Variants in B4GALNT1 observed in about 807,000 individuals in gnomAD.
B4GALNT1 encodes beta-1,4 N-acetylgalactosaminyltransferase 1.
In B4GALNT1, 43 loss-of-function variants were observed where a neutral mutation model predicts 55.2. The observed-to-expected ratio is 0.78, with a 90% CI of 0.61 to 1.00. B4GALNT1 has a LOEUF of 1.00. Among genes scored for constraint, B4GALNT1 ranks in the 50% least tolerant of loss-of-function variants. The pLI is 0.00. For synonymous variants in B4GALNT1, 305 were observed against 311.6 expected (o/e 0.98, Z 0.22); for missense variants, 664 against 729.7 (o/e 0.91, Z 1.04).
Position 57,628,885 on chromosome 12 carries a change from G to A in B4GALNT1, c.830C>T (p.Ala277Val). 1 of 1,614,222 alleles carries A rather than the reference G, an allele frequency of 6.2e-7. No homozygotes were observed. The highest frequency in any genetic ancestry group is 1.3e-5 in the African/African-American group (1 of 75,058). The change falls in exon 8 of 11, where the codon GCT (alanine) becomes GTT (valine). Residue 277 changes from alanine (A) to valine (V), a missense_variant. Ala to Val is a moderately conservative substitution (Grantham distance 64, BLOSUM62 0). Transcript: ENST00000341156. ...GGTCTTGGTGGCAATCGTGACTAGAGCGCTGATGTTGTACTGGGCTGAGAT... is the reference window on the plus strand; with the variant it reads ...GGTCTTGGTGGCAATCGTGACTAGAACGCTGATGTTGTACTGGGCTGAGAT... The part of the protein sequence containing the change: ...LPQGAQYNIS[A>V]LVTIATKTFL...
In B4GALNT1 at chr12:57,623,602, C is replaced by T. The variant is rs1319362528; in HGVS notation, c.*3142G>A. The T allele has an allele frequency of 5.5e-6, 3 of 543,936 alleles. No homozygotes were observed. The highest frequency in any genetic ancestry group is 9.8e-6 in the Non-Finnish European group (3 of 307,244). The allele number at this position is 543,936 out of a possible 1,614,324, so 33.7% of individuals were successfully genotyped here. ...GGAGGTGGGCTACAAAACTGGGGAA[C>T]TTGAACAATGGACATCTACAAGGAG... On this transcript the variant is annotated 3_prime_UTR_variant, in exon 11 of 11. Coordinates refer to ENST00000341156, the MANE Select transcript of B4GALNT1 (RefSeq NM_001478.5).
chr12:57,627,738 C>T lies in B4GALNT1; in HGVS notation c.1264G>A (p.Glu422Lys). The change falls in exon 10 of 11, where the codon GAG (glutamate) becomes AAG (lysine). Residue 422 changes from glutamate (E) to lysine (K), a missense_variant. Physicochemically the swap from Glu to Lys is moderately conservative, Grantham distance 56 (BLOSUM62 1). Transcript: ENST00000341156. ...CLRQRRGFHH[E>K]LVGFPGCVVT... Reference sequence around the variant, plus strand: ...ACGCAGCCTGGGAAGCCGACGAGCTCGTGGTGGAAGCCGCGCCTTTGCCGG... The same window carrying T: ...ACGCAGCCTGGGAAGCCGACGAGCTTGTGGTGGAAGCCGCGCCTTTGCCGG... 1 of 1,610,406 alleles carries T rather than the reference C, an allele frequency of 6.2e-7. No homozygotes were observed. The highest frequency in any genetic ancestry group is 8.5e-7 in the Non-Finnish European group (1 of 1,178,280).
intron 6 of B4GALNT1, 153 bp downstream of exon 6, chr12:57,629,999 C>G (rs1378053135): frequency 6.5e-7 from 1 of 1,546,794 alleles, no homozygotes; most frequent in South Asian, 1.2e-5. Context: ...CTCCCTCTGG[C>G]CCTGCTGGTC....
At position 57,630,181 on chromosome 12, in the gene B4GALNT1, C is replaced by T. The variant is rs200882795; in HGVS notation, c.683G>A (p.Arg228Gln). The T allele has an allele frequency of 1.5e-5, 25 of 1,614,088 alleles. No individual in the cohort carries two copies. Among genetic ancestry groups the T allele is most frequent in the Middle Eastern group, 1.6e-4 (1 of 6,084 alleles). Residue 228 changes from arginine to glutamine, a missense_variant, in exon 6 of 11, where the codon CGA (arginine) becomes CAA (glutamine). Transcript: ENST00000341156. ...RQLQLVTYSSRSYQTNTADTV... is the reference protein window; with the variant it reads ...RQLQLVTYSSQSYQTNTADTV... The stretch of plus-strand genomic sequence containing the variant: ...GTCTGCTGTGTTGGTCTGGTAGCTT[C>T]GGCTGCTGTAAGTGACCAGTTGTAG...
intron 1 of B4GALNT1, 163 bp from the exon 2 acceptor site, chr12:57,632,296 G>A (rs781412410): frequency 1.3e-6 from 1 of 747,726 alleles, no homozygotes; most frequent in South Asian, 1.5e-5. Flanking sequence ...GGTTTTCCCG[G>A]TACCCCTCCC....
At position 57,630,151 on chromosome 12, in the gene B4GALNT1, C is replaced by T; in HGVS notation, c.712+1G>A. On this transcript the variant is annotated splice_donor_variant, in intron 6 of 10. Transcript: ENST00000341156. LOFTEE classifies it high-confidence loss of function. ...CCCGTCTCTCCACCCAGGCCTTGCA[C>T]CTGTGTCTGCTGTGTTGGTCTGGTA... is the stretch of plus-strand genomic sequence containing the variant. 2 of 1,614,244 alleles carry T rather than the reference C, an allele frequency of 1.2e-6. No homozygotes were observed. The highest frequency in any genetic ancestry group is 1.7e-6 in the Non-Finnish European group (2 of 1,180,048).
At chr12:57,627,905 C>G (rs780958330) in intron 9 of B4GALNT1, 47 bp from the exon 10 acceptor site, 1 of 1,518,586 alleles carries the variant, frequency 6.6e-7, no homozygotes, top group Admixed American at 2.0e-5. Context: ...GGATAGGGGA[C>G]CCGAAGGGGT....
Position 57,625,508 on chromosome 12 carries a change from A to G in B4GALNT1, c.*1236T>C, listed in dbSNP as rs200395061. The G allele has an allele frequency of 9.8e-5, 158 of 1,614,026 alleles. No individual in the cohort carries two copies. In the African/African-American group the frequency reaches 1.8e-3, roughly 19 times the overall value. On this transcript the variant is annotated 3_prime_UTR_variant, in exon 11 of 11. Coordinates refer to ENST00000341156, the MANE Select transcript of B4GALNT1 (RefSeq NM_001478.5). ...AGCGGGGCCCAGTGCCTGGGCAATG[A>G]CTGGACACCTGCGGTAGGGAAAAGG...
Position 57,625,616 on chromosome 12 carries a change from C to T in B4GALNT1, c.*1128G>A. ...AGGGGACACTGACCCGGGTAGGACT[C>T]CTGGACAGGGTGACTCCAGATCAGC... On this transcript the variant is annotated 3_prime_UTR_variant, in exon 11 of 11. Coordinates refer to ENST00000341156, the MANE Select transcript of B4GALNT1 (RefSeq NM_001478.5). The T allele has an allele frequency of 1.9e-6, 3 of 1,592,636 alleles. 1 individual carries two copies. The highest frequency in any genetic ancestry group is 2.3e-5 in the South Asian group (2 of 86,926).
In B4GALNT1 at chr12:57,625,241, G is replaced by A. The variant is rs1884725934; in HGVS notation, c.*1503C>T. 2 of 1,614,052 alleles carry A rather than the reference G, an allele frequency of 1.2e-6. No individual in the cohort carries two copies. Among genetic ancestry groups the A allele is most frequent in the Admixed American group, 1.7e-5 (1 of 60,002 alleles). ...CCTGTCTTCTCCCATTCTAGTTGCT[G>A]AGCCTGTCAGGGTGGTGGTCCTAGA... On this transcript the variant is annotated 3_prime_UTR_variant, in exon 11 of 11. Transcript: ENST00000341156.
chr12:57,628,177 G>A lies in B4GALNT1; in HGVS notation c.1088C>T (p.Ala363Val). 1 of 1,614,248 alleles carries A rather than the reference G, an allele frequency of 6.2e-7. No homozygotes were observed. Among genetic ancestry groups the A allele is most frequent in the South Asian group, 1.1e-5 (1 of 91,084 alleles). Residue 363 changes from alanine to valine, a missense_variant, in exon 9 of 11, where the codon GCG becomes GTG. Coordinates refer to ENST00000341156, the MANE Select transcript of B4GALNT1 (RefSeq NM_001478.5). Reference protein sequence around the residue: ...LWVDDDFVFTARTRLERLVDV... With the variant: ...LWVDDDFVFTVRTRLERLVDV... ...CACAAGCCTCTCCAGCCGCGTCCGC[G>A]CCGTGAAGACGAAGTCGTCGTCCAC...
chr12:57,624,204 A>C lies in B4GALNT1; in HGVS notation c.*2540T>G. 9.7e-7 allele frequency: 1 copy of C among 1,034,098 alleles called. No individual in the cohort carries two copies. The highest frequency in any genetic ancestry group is 1.4e-6 in the Non-Finnish European group (1 of 694,094). 64.1% of individuals were successfully genotyped at this position (1,034,098 alleles called of 1,614,324 possible). A position where few individuals can be genotyped will look rare whatever the true frequency, so the allele number is the denominator to read the frequency against. ...GTCCTGGTCTTAAGTTCTGCAACCC[A>C]CCCACTCCCCCAGCAAACATAACTC... On this transcript the variant is annotated 3_prime_UTR_variant, in exon 11 of 11. Transcript: ENST00000341156.
At chr12:57,631,494 C>T in intron 2 of B4GALNT1, 130 bp from the exon 3 acceptor site, 2 of 1,059,240 alleles carry the variant, frequency 1.9e-6, no homozygotes, top group South Asian at 3.1e-5. Flanking sequence ...CCCTTAAATG[C>T]TGCCCTTCAA....
rs554854178 is a variant in B4GALNT1 at position 57,626,309 on chromosome 12, G to A, written c.*435C>T. 1.0e-4 allele frequency: 20 copies of A among 197,388 alleles called. No individual in the cohort carries two copies. The highest frequency in any genetic ancestry group is 2.1e-4 in the Non-Finnish European group (20 of 95,322). The allele number at this position is 197,388 out of a possible 1,614,324, so 12.2% of individuals were successfully genotyped here. ...CTCTGTGGGGGTGGGGCTGGAGCAG[G>A]TACACAGAGTACTGGATCTGAAGAT... On this transcript the variant is annotated 3_prime_UTR_variant, in exon 11 of 11. Transcript: ENST00000341156.
chr12:57,628,273 G>A lies in B4GALNT1; in HGVS notation c.1003-11C>T, dbSNP rs757352421. Reference sequence around the variant, plus strand: ...GCCTGCGAACCAGCCCTGGCAGAAAGGTGTGTGTGGTTGGGGAGGCTGCAG... The same window carrying A: ...GCCTGCGAACCAGCCCTGGCAGAAAAGTGTGTGTGGTTGGGGAGGCTGCAG... On this transcript the variant is annotated splice_polypyrimidine_tract_variant and intron_variant, in intron 8 of 10. Coordinates refer to ENST00000341156, the MANE Select transcript of B4GALNT1 (RefSeq NM_001478.5). The A allele has an allele frequency of 1.2e-6, 2 of 1,614,150 alleles. No individual in the cohort carries two copies. The highest frequency in any genetic ancestry group is 3.3e-5 in the Admixed American group (2 of 60,030).
intron 4 of B4GALNT1, 145 bp downstream of exon 4, chr12:57,630,835 C>T: frequency 1.2e-6 from 1 of 824,586 alleles, no homozygotes; most frequent in Non-Finnish European, 1.9e-6. Context: ...CTTCCCACCT[C>T]CTAAGCCGCC....
rs767249079 is a variant in B4GALNT1 at position 57,630,503 on chromosome 12, G to A, written c.506C>T (p.Ala169Val). 2.5e-6 allele frequency: 4 copies of A among 1,608,852 alleles called. No homozygotes were observed. Among genetic ancestry groups the A allele is most frequent in the Non-Finnish European group, 3.4e-6 (4 of 1,177,610 alleles). ...SILVPGLSLQ[A>V]ASGQEVYQVN... is the part of the protein sequence containing the mutation. ...CTGGTATACCTCCTGACCAGAAGCT[G>A]CCTGAAGGCTCAGCCCTAGGAGAAA... The change falls in exon 5 of 11, where the codon GCA becomes GTA. Residue 169 changes from alanine to valine, a missense_variant. By Grantham distance (64) the Ala-to-Val change is moderately conservative (BLOSUM62 0). Coordinates refer to ENST00000341156, the MANE Select transcript of B4GALNT1 (RefSeq NM_001478.5).
chr12:57,625,781 G>A lies in B4GALNT1; in HGVS notation c.*963C>T. ...AGTGGCTGGAGACCCAGGGAGAGGG[G>A]TTTGGGAAAGGGTCTGAGGAAGATC... On this transcript the variant is annotated 3_prime_UTR_variant, in exon 11 of 11. Coordinates refer to ENST00000341156, the MANE Select transcript of B4GALNT1 (RefSeq NM_001478.5). The A allele has an allele frequency of 6.6e-7, 1 of 1,508,560 alleles. No homozygotes were observed. The highest frequency in any genetic ancestry group is 8.8e-7 in the Non-Finnish European group (1 of 1,131,646). The allele number at this position is 1,508,560 out of a possible 1,614,324, so 93.4% of individuals were successfully genotyped here. A position where few individuals can be genotyped will look rare whatever the true frequency, so the allele number is the denominator to read the frequency against.
rs1268713943 is a variant in B4GALNT1, at chr12:57,625,021, G to A, written c.*1723C>T. On this transcript the variant is annotated 3_prime_UTR_variant, in exon 11 of 11. Coordinates refer to ENST00000341156, the MANE Select transcript of B4GALNT1 (RefSeq NM_001478.5). ...GTTTAGGAGGGATGTGGATCCTCAG[G>A]GAGTGGGAGGCAGGTGGGTGTTCTG... The A allele has an allele frequency of 3.1e-6, 5 of 1,613,302 alleles. No individual in the cohort carries two copies. The highest frequency in any genetic ancestry group is 4.2e-6 in the Non-Finnish European group (5 of 1,179,242).
Sources: gnomAD v4.1 joint callset for allele counts on GRCh38, gnomAD v4.1.1 for gene constraint, MANE v1.5 for transcripts, NCBI Gene and HGNC (gene_info 2026-07-23, HGNC 2026-07-21) for gene names.